CSMD2: variants seen among roughly 807,000 people sequenced by gnomAD.
CSMD2 encodes CUB and Sushi multiple domains 2, also known as CUB and sushi domain-containing protein 2.
In CSMD2, 130 loss-of-function variants were observed where a neutral mutation model predicts 398.5. The observed-to-expected ratio is 0.33, with a 90% CI of 0.28 to 0.38. CSMD2 has a LOEUF of 0.38. Ranked by LOEUF, CSMD2 falls within the 10% of genes least tolerant of loss-of-function variation. CSMD2 has a pLI of 1.00. For missense variants in CSMD2, 3,829 were observed against 4,764.9 expected (o/e 0.80, Z 5.78); for synonymous variants, 1,828 against 1,908.5 (o/e 0.96, Z 1.10).
In CSMD2 at chr1:33,559,480, C is replaced by A; in HGVS notation, c.8381-7G>T. ...GGGTGTCCACAGGTAATTGCTGTAA[C>A]CAAAACAGAAGATAGGTAAGCCCTC... On this transcript the variant is annotated splice_polypyrimidine_tract_variant and splice_region_variant and intron_variant, in intron 53 of 70. Coordinates refer to ENST00000373381, the MANE Select transcript of CSMD2 (RefSeq NM_001281956.2). This position sits in a 1 kb window ranked among gnomAD's most constrained non-coding sequence, Gnocchi z 4.0. The A allele has an allele frequency of 2.6e-6, 4 of 1,535,942 alleles. No individual in the cohort carries two copies. Among genetic ancestry groups the A allele is most frequent in the Non-Finnish European group, 3.5e-6 (4 of 1,146,744 alleles).
At chr1:33,952,757 T>C (rs1645047953) in intron 3 of CSMD2, among the ~76,000 whole-genome samples, 2 of 152,156 alleles carry the variant, frequency 1.3e-5, no homozygotes, top group African/African-American at 4.8e-5. Context: ...TCTGACTTTT[T>C]TCACTTTTGT....
intron 2 of CSMD2, among the ~76,000 whole-genome samples, chr1:34,037,182 C>A (rs1400565201): frequency 6.6e-6 from 1 of 152,156 alleles, no homozygotes. Context: ...GGACAGTACG[C>A]CAGTCCTCCA....
intron 10 of CSMD2, among the ~76,000 whole-genome samples, chr1:33,797,219 T>A (rs1655060323): frequency 6.6e-6 from 1 of 152,200 alleles, no homozygotes; most frequent in African/African-American, 2.4e-5. Context: ...CCTCCCCTTT[T>A]GAAATCCTTA....
chr1:34,153,544 C>G (rs1027744997), intron 1 of CSMD2, among the ~76,000 whole-genome samples: 6 of 152,334 alleles, frequency 3.9e-5, no homozygotes, highest in South Asian at 2.1e-4. Flanking sequence ...GTACACTCAG[C>G]ACTGAAACTT....
intron 9 of CSMD2, among the ~76,000 whole-genome samples, chr1:33,818,404 T>C (rs570126549): frequency 3.3e-5 from 5 of 152,324 alleles, no homozygotes; most frequent in African/African-American, 4.8e-5. Context: ...GGCATGAGGA[T>C]ATTTTTTTTC....
intron 10 of CSMD2, among the ~76,000 whole-genome samples, chr1:33,793,759 G>A (rs1015183392): frequency 1.3e-5 from 2 of 152,004 alleles, no homozygotes; most frequent in Non-Finnish European, 1.5e-5. Context: ...CAGTGTGGAC[G>A]GAGAAGAGGG....
At chr1:33,966,609 T>C (rs9425974) in intron 3 of CSMD2, among the ~76,000 whole-genome samples, 5,124 of 152,208 alleles carry the variant, frequency 0.034, 299 homozygotes, top group African/African-American at 0.11. Flanking sequence ...AACTGAAAAG[T>C]AAGCGAGGGA....
chr1:33,605,454 C>G lies in CSMD2; in HGVS notation c.6360G>C (p.Glu2120Asp). 1 of 1,614,174 alleles carries G rather than the reference C, an allele frequency of 6.2e-7. No individual in the cohort carries two copies. Among genetic ancestry groups the G allele is most frequent in the Non-Finnish European group, 8.5e-7 (1 of 1,180,020 alleles). The change falls in exon 42 of 71, where the codon GAG becomes GAC. Residue 2120 changes from glutamate to aspartate, a missense_variant. By Grantham distance (45) the Glu-to-Asp change is conservative (BLOSUM62 2). Coordinates refer to ENST00000373381, the MANE Select transcript of CSMD2 (RefSeq NM_001281956.2). ...KLEYQAYELQECPDPEPFANG... is the reference protein window; with the variant it reads ...KLEYQAYELQDCPDPEPFANG... ...TGGCAAAGGGCTCTGGGTCTGGGCA[C>G]TCTTGAAGTTCATAGGCTGGAAAAG...
At chr1:33,738,801 T>G (rs932278394) in intron 15 of CSMD2, among the ~76,000 whole-genome samples, 8 of 152,164 alleles carry the variant, frequency 5.3e-5, no homozygotes, top group African/African-American at 1.9e-4. Flanking sequence ...CCAATGCTAC[T>G]TTGGGCTGCC....
chr1:33,933,152 C>T (rs1270414776), intron 4 of CSMD2, among the ~76,000 whole-genome samples: 3 of 152,182 alleles, frequency 2.0e-5, no homozygotes, highest in African/African-American at 7.2e-5. Context: ...CAGACGCCTT[C>T]GTTGATGTTT....
In CSMD2 at chr1:33,915,374, G is replaced by A. The variant is rs116577688; in HGVS notation, c.920+2720C>T. ...CCACACATACGTCCTGAGTCTCCAA[G>A]TTTGTTTATCCATAATTGCTATGCA... On this transcript the variant is annotated intron_variant, in intron 5 of 70. Coordinates refer to ENST00000373381, the MANE Select transcript of CSMD2 (RefSeq NM_001281956.2). Among the ~76,000 whole-genome samples, 460 of 152,290 alleles carry A rather than the reference G, an allele frequency of 3.0e-3. 3 individuals are homozygous for A. Among genetic ancestry groups the A allele is most frequent in the African/African-American group, 0.011 (440 of 41,574 alleles).
intron 5 of CSMD2, chr1:33,870,907 C>T (rs1340314550): frequency 6.6e-6 from 1 of 151,916 alleles, no homozygotes; most frequent in Admixed American, 6.5e-5. Context: ...TATGGAGAGG[C>T]TCATGTGGCA....
intron 21 of CSMD2, among the ~76,000 whole-genome samples, chr1:33,713,606 A>G (rs1006806215): frequency 1.3e-5 from 2 of 152,276 alleles, no homozygotes; most frequent in African/African-American, 4.8e-5. Flanking sequence ...CGCTCTGAAC[A>G]GACTTCTTTA....
Position 33,974,132 on chromosome 1 carries a change from C to A in CSMD2, c.518-38178G>T, listed in dbSNP as rs191394363. On this transcript the variant is annotated intron_variant, in intron 3 of 70. Coordinates refer to ENST00000373381, the MANE Select transcript of CSMD2 (RefSeq NM_001281956.2). Reference sequence around the variant, plus strand: ...GTGTGTGTTTTCATCAAGAAGTAATCCTTACAGCCACGAAAAATGTCCAAT... The same window carrying A: ...GTGTGTGTTTTCATCAAGAAGTAATACTTACAGCCACGAAAAATGTCCAAT... Among the ~76,000 whole-genome samples the A allele has an allele frequency of 1.8e-4, 28 of 152,280 alleles. No individual in the cohort carries two copies. The East Asian group carries it at 5.0e-3, about 27-fold the overall frequency.
chr1:34,029,341 T>G (rs1650118742), intron 3 of CSMD2, among the ~76,000 whole-genome samples: 1 of 152,118 alleles, frequency 6.6e-6, no homozygotes, highest in South Asian at 2.1e-4. Flanking sequence ...ACAATGAGGC[T>G]CAGAGAGCTT....
At chr1:34,000,961 T>G (rs1433887844) in intron 3 of CSMD2, among the ~76,000 whole-genome samples, 86 of 109,838 alleles carry the variant, frequency 7.8e-4, no homozygotes, top group Admixed American at 2.0e-3. Flanking sequence ...GGAAAGGGAG[T>G]AGAAAGAGGA....
intron 39 of CSMD2, among the ~76,000 whole-genome samples, chr1:33,616,386 T>G (rs1316073030): frequency 1.3e-5 from 2 of 152,152 alleles, no homozygotes; most frequent in East Asian, 3.9e-4. Flanking sequence ...TACAAGTGTG[T>G]GCCACCACAT....
rs1307039135 is a variant in CSMD2, at chr1:33,565,507, A to T, written c.8380+2086T>A. Among the ~76,000 whole-genome samples, 4 of 152,170 alleles carry T rather than the reference A, an allele frequency of 2.6e-5. No homozygotes were observed. In the East Asian group the frequency reaches 7.7e-4, roughly 29 times the overall value. ...AAAGGCAAACATCCAAGATAATCAA[A>T]ATGAGATAAAGAAGTAAAAACAATC... On this transcript the variant is annotated intron_variant, in intron 53 of 70. Transcript: ENST00000373381.
Position 33,819,775 on chromosome 1 carries a change from A to G in CSMD2, c.1262T>C (p.Ile421Thr). 6.2e-7 allele frequency: 1 copy of G among 1,614,070 alleles called. No homozygotes were observed. Among genetic ancestry groups the G allele is most frequent in the South Asian group, 1.1e-5 (1 of 91,080 alleles). Residue 421 changes from isoleucine (I) to threonine (T), a missense_variant, in exon 9 of 71, where the codon ATC becomes ACC. By Grantham distance (89) the Ile-to-Thr change is moderately conservative. Coordinates refer to ENST00000373381, the MANE Select transcript of CSMD2 (RefSeq NM_001281956.2). ...CATGTCGCTCACTTTCATACAGGTG[A>G]TCCGCTTGGACCCTTGCAGGTCATA... The part of the protein sequence containing the change: ...EGYDLQGSKR[I>T]TCMKVSDMFA...
Sources: gnomAD v4.1 joint callset for allele counts (sites outside exome capture counted in the v4.1 genomes callset) on GRCh38, gnomAD v4.1.1 for gene constraint, Gnocchi (gnomAD v3.1) non-coding constraint, MANE v1.5 for transcripts, NCBI Gene and HGNC (gene_info 2026-07-23, HGNC 2026-07-21) for gene names.